Variants in GLI2 observed in about 807,000 individuals in gnomAD.
The protein encoded by GLI2 is GLI family zinc finger 2.
GLI2 carries 22 observed loss-of-function variants against 78.9 expected under a neutral mutation model. The ratio of observed to expected loss-of-function variants is 0.28; its 90% confidence interval spans 0.20 to 0.40. The LOEUF (loss-of-function observed/expected upper bound fraction) is 0.40, where lower values mean the gene tolerates loss of function less well. GLI2 is among the 10% of genes least tolerant of loss of function. The pLI is 1.00. For missense variants in GLI2, 2,097 were observed against 2,213.2 expected, an observed-to-expected ratio of 0.95 and a Z score of 1.05; for synonymous variants, 974 against 963.7, an observed-to-expected ratio of 1.01 and a Z score of -0.20.
In GLI2 at chr2:120,768,060, T is replaced by A. The variant is rs947378790; in HGVS notation, c.-30-29231T>A. On this transcript the variant is annotated intron_variant, in intron 1 of 13. Transcript: ENST00000361492. ...CCTCAAATCCACCCCAGGCTCTTCTTCCCCAAACTATTTTTACTCTTGTCT... is the reference window on the plus strand; with the variant it reads ...CCTCAAATCCACCCCAGGCTCTTCTACCCCAAACTATTTTTACTCTTGTCT... 2.0e-5 allele frequency among the ~76,000 whole-genome samples: 3 copies of A among 152,252 alleles called. No individual in the cohort carries two copies. The East Asian group carries it at 5.8e-4, about 29-fold the overall frequency.
At chr2:120,811,895 T>TG (rs540283602) in intron 2 of GLI2, among the ~76,000 whole-genome samples, 130 of 152,202 alleles carry the variant, frequency 8.5e-4, no homozygotes, top group African/African-American at 2.6e-3. Flanking sequence ...AAGTGTTTAC[T>TG]GGGGCCCTAC....
In GLI2 at chr2:120,989,052, C is replaced by T. The variant is rs2105090355; in HGVS notation, c.3087C>T (p.Gly1029=). 2.5e-6 allele frequency: 4 copies of T among 1,608,210 alleles called. No individual in the cohort carries two copies. The highest frequency in any genetic ancestry group is 3.4e-6 in the Non-Finnish European group (4 of 1,179,456). Residue 1029 remains glycine, a synonymous_variant, in exon 14 of 14, where the codon GGC becomes GGT. Transcript: ENST00000361492. Reference sequence around the variant, plus strand: ...AGGCCGTGGCGGCAGGAGTGGACGGCGCGGGGCCCGAGGCCGACCTGGGGC... The same window carrying T: ...AGGCCGTGGCGGCAGGAGTGGACGGTGCGGGGCCCGAGGCCGACCTGGGGC... ...AMEAVAAGVD[G]AGPEADLGLP... is the part of the protein sequence containing the mutation.
At chr2:120,828,257 A>G (rs1268015085) in intron 2 of GLI2, among the ~76,000 whole-genome samples, 1 of 152,174 alleles carries the variant, frequency 6.6e-6, no homozygotes, top group East Asian at 1.9e-4. Flanking sequence ...GGCTTCTCTG[A>G]GGAAACGTTC....
In GLI2 at chr2:120,899,416, C is replaced by G. The variant is rs6754658; in HGVS notation, c.149-27945C>G. ...GTGTGTACACACACATACACACACA[C>G]ACACACACACACATACACACATGCA... is the stretch of plus-strand genomic sequence containing the variant. On this transcript the variant is annotated intron_variant, in intron 2 of 13. Transcript: ENST00000361492. 3.2e-3 allele frequency among the ~76,000 whole-genome samples: 464 copies of G among 144,406 alleles called. 2 individuals carry two copies. In the Middle Eastern group the frequency reaches 0.035, roughly 11 times the overall value. The allele number at this position is 144,406 out of a possible 152,430, so 94.7% of individuals were successfully genotyped here.
chr2:120,741,721 C>T (rs1682550263), intron 1 of GLI2, among the ~76,000 whole-genome samples: 1 of 152,056 alleles, frequency 6.6e-6, no homozygotes, highest in African/African-American at 2.4e-5. Flanking sequence ...GCCGACCGTG[C>T]CGCGGCCGGG....
At chr2:120,852,640 A>G (rs1687464427) in intron 2 of GLI2, among the ~76,000 whole-genome samples, 1 of 152,204 alleles carries the variant, frequency 6.6e-6, no homozygotes, top group Non-Finnish European at 1.5e-5. Flanking sequence ...CTCTGCCCAC[A>G]GATACCTCTC....
chr2:120,811,502 A>AGCT lies in GLI2; in HGVS notation c.148+14035_148+14037dup, dbSNP rs1282422118. ...AGGAGGGCTCCTTAAAGAATGAGAG[A>AGCT]GCTACTGGGAAGGTGGAGGTGAGCA... On this transcript the variant is annotated intron_variant, in intron 2 of 13. Transcript: ENST00000361492. Among the ~76,000 whole-genome samples, 2 of 152,136 alleles carry AGCT rather than the reference A, an allele frequency of 1.3e-5. 1 individual carries two copies. The highest frequency in any genetic ancestry group is 4.8e-5 in the African/African-American group (2 of 41,416).
intron 1 of GLI2, among the ~76,000 whole-genome samples, chr2:120,749,667 CATAA>C (rs1379757820): frequency 6.6e-6 from 1 of 152,190 alleles, no homozygotes; most frequent in Non-Finnish European, 1.5e-5. Context: ...AGCCTGGGAT[CATAA>C]TTGTTCTGTT....
chr2:120,970,855 G>A (rs1051747896), intron 7 of GLI2, among the ~76,000 whole-genome samples: 1 of 152,212 alleles, frequency 6.6e-6, no homozygotes, highest in Non-Finnish European at 1.5e-5. Context: ...AGAAAGCCTC[G>A]ATTCCCAGGG....
At chr2:120,938,659 C>T (rs934591840) in intron 3 of GLI2, among the ~76,000 whole-genome samples, 28 of 152,282 alleles carry the variant, frequency 1.8e-4, no homozygotes, top group African/African-American at 5.1e-4. Flanking sequence ...TTGATGGGAA[C>T]GGGGTGAGTG....
At chr2:120,947,008 G>T (rs1411693697) in intron 3 of GLI2, among the ~76,000 whole-genome samples, 4 of 152,238 alleles carry the variant, frequency 2.6e-5, no homozygotes, top group African/African-American at 9.6e-5. Flanking sequence ...AGTGGGGTTG[G>T]GGGGTTCCAG....
At chr2:120,828,221 G>T (rs1229389870) in intron 2 of GLI2, among the ~76,000 whole-genome samples, 1 of 152,172 alleles carries the variant, frequency 6.6e-6, no homozygotes, top group Admixed American at 6.5e-5. Flanking sequence ...AGAGCAGCTT[G>T]CTGGGCCAAG....
chr2:120,774,806 C>T (rs933541025), intron 1 of GLI2, among the ~76,000 whole-genome samples: 4 of 152,200 alleles, frequency 2.6e-5, no homozygotes, highest in African/African-American at 9.6e-5. Flanking sequence ...TGCATGACTC[C>T]ATTGGTATGG....
At chr2:120,857,644 C>A (rs1294303941) in intron 2 of GLI2, among the ~76,000 whole-genome samples, 1 of 152,038 alleles carries the variant, frequency 6.6e-6, no homozygotes, top group Non-Finnish European at 1.5e-5. Context: ...CCTACCCAAA[C>A]ACCTATCCAT....
intron 2 of GLI2, among the ~76,000 whole-genome samples, chr2:120,837,672 G>C (rs1476988141): frequency 3.3e-5 from 5 of 152,080 alleles, no homozygotes; most frequent in Non-Finnish European, 5.9e-5. Context: ...AGACTGTTTT[G>C]TCTTTGACAT....
At chr2:120,982,675 C>A (rs1226973091) in intron 10 of GLI2, 41 bp from the exon 11 acceptor site, 4 of 1,574,770 alleles carry the variant, frequency 2.5e-6, no homozygotes, top group Admixed American at 1.7e-5. Flanking sequence ...CAAGGTTGGG[C>A]CCCCTGGGGT....
intron 2 of GLI2, among the ~76,000 whole-genome samples, chr2:120,820,426 T>A (rs1040756452): frequency 6.6e-6 from 1 of 152,166 alleles, no homozygotes; most frequent in African/African-American, 2.4e-5. Context: ...TGAGCATTAG[T>A]TCCCCCCTCT....
chr2:120,906,137 G>T (rs1310831456), intron 2 of GLI2, among the ~76,000 whole-genome samples: 1 of 152,198 alleles, frequency 6.6e-6, no homozygotes, highest in Non-Finnish European at 1.5e-5. Flanking sequence ...AGGCAGCACG[G>T]TGCGGGGCAG....
chr2:120,812,681 C>T (rs1685310503), intron 2 of GLI2, among the ~76,000 whole-genome samples: 1 of 152,194 alleles, frequency 6.6e-6, no homozygotes, highest in Non-Finnish European at 1.5e-5. Context: ...CATCACCTTT[C>T]CTAGTCATTC....
Sources: allele counts gnomAD v4.1 joint callset (sites outside exome capture counted in the v4.1 genomes callset), GRCh38; gene constraint gnomAD v4.1.1; transcripts MANE v1.5; gene names NCBI Gene and HGNC (gene_info 2026-07-23, HGNC 2026-07-21).